The following TYW5 variants were observed in gnomAD, a reference collection of about 807,000 sequenced individuals.
TYW5 encodes tRNA wybutosine-synthesizing protein 5.
Under a neutral mutation model 44.4 loss-of-function variants are expected in TYW5, and 36 were observed. The observed-to-expected ratio is 0.81, with a 90% CI of 0.62 to 1.07. The LOEUF is 1.07. TYW5 is among the 50% of genes least tolerant of loss of function. The pLI, the probability that TYW5 is intolerant of heterozygous loss-of-function variation, is 0.00. For synonymous variants in TYW5, 121 were observed against 128.1 expected (o/e 0.94, Z 0.37); for missense variants, 354 against 365.7 (o/e 0.97, Z 0.26).
chr2:199,954,108 CT>C (rs71019097), intron 1 of TYW5, among the ~76,000 whole-genome samples: 124,315 of 148,224 alleles, frequency 0.84, 52,154 homozygotes, highest in South Asian at 0.91. Context: ...CCAACCCCGC[CT>C]TTTTTTTTTT....
At chr2:199,941,740 GA>G (rs1212641047) in intron 3 of TYW5, among the ~76,000 whole-genome samples, 2 of 152,172 alleles carry the variant, frequency 1.3e-5, no homozygotes, top group Non-Finnish European at 2.9e-5. Flanking sequence ...ATTCCTTCAA[GA>G]AAGAACTCAC....
rs2077380032 is a variant in TYW5, at chr2:199,931,822, G to A, written c.*1245C>T. On this transcript the variant is annotated 3_prime_UTR_variant, in exon 8 of 8. Coordinates refer to ENST00000354611, the MANE Select transcript of TYW5 (RefSeq NM_001039693.3). ...CACATTTATGTTCAGTGAAGATTATGTGGTCTTCAATGACACTGCAATATA... is the reference window on the plus strand; with the variant it reads ...CACATTTATGTTCAGTGAAGATTATATGGTCTTCAATGACACTGCAATATA... The A allele has an allele frequency of 6.6e-6, 1 of 152,138 alleles. No homozygotes were observed. Among genetic ancestry groups the A allele is most frequent in the Non-Finnish European group, 1.5e-5 (1 of 68,018 alleles). 9.4% of individuals were successfully genotyped at this position (152,138 alleles called of 1,614,324 possible).
chr2:199,955,440 G>A lies in TYW5; in HGVS notation c.31C>T (p.Leu11=). 1.9e-6 allele frequency: 3 copies of A among 1,613,938 alleles called. No homozygotes were observed. Among genetic ancestry groups the A allele is most frequent in the Non-Finnish European group, 2.5e-6 (3 of 1,179,978 alleles). Residue 11 remains leucine, a synonymous_variant, in exon 1 of 8, where the codon CTG becomes TTG. Transcript: ENST00000354611. MAGQHLPVPR[L]EGVSREQFMQ... ...AACTGCTCCCGAGAAACGCCCTCCA[G>A]CCGGGGTACCGGGAGGTGCTGCCCG...
intron 2 of TYW5, chr2:199,945,599 T>C (rs1401869100): frequency 6.6e-6 from 1 of 152,266 alleles, no homozygotes; most frequent in Non-Finnish European, 1.5e-5. Flanking sequence ...CTTGCTTTCA[T>C]TCTTCAAAGC....
In TYW5 at chr2:199,930,346, T is replaced by C. The variant is rs1010167046; in HGVS notation, c.*2721A>G. 3.9e-5 allele frequency: 6 copies of C among 152,218 alleles called. No individual in the cohort carries two copies. Among genetic ancestry groups the C allele is most frequent in the African/African-American group, 1.4e-4 (6 of 41,446 alleles). The allele number at this position is 152,218 out of a possible 1,614,324, so 9.4% of individuals were successfully genotyped here. ...TTGAACCTCTTCTTGGAGGCATAAT[T>C]ATCACTGGTTTCTCGTGCATCCTTA... On this transcript the variant is annotated 3_prime_UTR_variant, in exon 8 of 8. Coordinates refer to ENST00000354611, the MANE Select transcript of TYW5 (RefSeq NM_001039693.3).
chr2:199,935,871 G>A, intron 7 of TYW5, 60 bp downstream of exon 7: 3 of 1,076,140 alleles, frequency 2.8e-6, no homozygotes, highest in South Asian at 1.4e-5. Context: ...ATCACATGAA[G>A]GATGAGTGAC....
chr2:199,939,952 C>T, intron 4 of TYW5, 137 bp downstream of exon 4: 1 of 843,048 alleles, frequency 1.2e-6, no homozygotes, highest in South Asian at 1.6e-5. Context: ...TTCAGGGGCA[C>T]AAATCACTGA....
rs989345350 is a variant in TYW5 at position 199,929,337 on chromosome 2, TA to T, written c.*3729del. Among the ~76,000 whole-genome samples, 3 of 151,832 alleles carry T rather than the reference TA, an allele frequency of 2.0e-5. No individual in the cohort carries two copies. The highest frequency in any genetic ancestry group is 4.4e-5 in the Non-Finnish European group (3 of 67,888). ...TGTACCCTAGAACTTAAAAGTATAATAAAAAAATAAATAGAGACTACAACTT... is the reference window on the plus strand; with the variant it reads ...TGTACCCTAGAACTTAAAAGTATAATAAAAAATAAATAGAGACTACAACTT... On this transcript the variant is annotated 3_prime_UTR_variant, in exon 8 of 8. Transcript: ENST00000354611.
At chr2:199,951,548 T>C (rs2077544929) in intron 1 of TYW5, among the ~76,000 whole-genome samples, 1 of 152,204 alleles carries the variant, frequency 6.6e-6, no homozygotes, top group Non-Finnish European at 1.5e-5. Flanking sequence ...ATCCACATTC[T>C]TCCATTTCAT....
chr2:199,930,826 G>A lies in TYW5; in HGVS notation c.*2241C>T, dbSNP rs984410696. 3.3e-5 allele frequency: 5 copies of A among 152,134 alleles called. No homozygotes were observed. Among genetic ancestry groups the A allele is most frequent in the Admixed American group, 2.6e-4 (4 of 15,262 alleles). The allele number at this position is 152,134 out of a possible 1,614,324, so 9.4% of individuals were successfully genotyped here. A position where few individuals can be genotyped will look rare whatever the true frequency, so the allele number is the denominator to read the frequency against. ...CGGTTTCTATCACCCATAGCTATGTGAACCCAGACAATCATTAAGCAATCT... is the reference window on the plus strand; with the variant it reads ...CGGTTTCTATCACCCATAGCTATGTAAACCCAGACAATCATTAAGCAATCT... On this transcript the variant is annotated 3_prime_UTR_variant, in exon 8 of 8. Coordinates refer to ENST00000354611, the MANE Select transcript of TYW5 (RefSeq NM_001039693.3).
Position 199,939,010 on chromosome 2 carries a change from A to C in TYW5, c.409T>G (p.Phe137Val). 6.2e-7 allele frequency: 1 copy of C among 1,613,756 alleles called. No individual in the cohort carries two copies. Among genetic ancestry groups the C allele is most frequent in the South Asian group, 1.1e-5 (1 of 91,030 alleles). ...LLKGDIKFPE[F>V]FKEEQFFSSV... ...GAAAAGAACTGTTCCTCTTTGAAGA[A>C]TTCTGGAAACTTAATATCTCCTTTC... Residue 137 changes from phenylalanine (F) to valine (V), a missense_variant, in exon 5 of 8, where the codon TTC becomes GTC. Transcript: ENST00000354611.
intron 3 of TYW5, 103 bp from the exon 4 acceptor site, chr2:199,940,236 T>A: frequency 1.9e-6 from 2 of 1,053,024 alleles, no homozygotes; most frequent in Non-Finnish European, 1.4e-6. Flanking sequence ...TAATTAAAAG[T>A]AAAAAAAAGA....
rs1427125963 is a variant in TYW5 at position 199,936,442 on chromosome 2, G to A, written c.537C>T (p.Leu179=). The A allele has an allele frequency of 2.5e-6, 4 of 1,613,304 alleles. No individual in the cohort carries two copies. Among genetic ancestry groups the A allele is most frequent in the Non-Finnish European group, 3.4e-6 (4 of 1,179,708 alleles). Residue 179 remains leucine (L), a synonymous_variant, in exon 6 of 8, where the codon CTC becomes CTT. Coordinates refer to ENST00000354611, the MANE Select transcript of TYW5 (RefSeq NM_001039693.3). ...AATACTGGGCATCTCGAGGACTGAA[G>A]AGTACAACACGCTTTTTTCCTGTCA... ...IQVTGKKRVV[L]FSPRDAQYLY... is the part of the protein sequence containing the mutation.
intron 7 of TYW5, among the ~76,000 whole-genome samples, 161 bp downstream of exon 7, chr2:199,935,770 A>ACATG (rs2077415138): frequency 6.9e-6 from 1 of 145,754 alleles, no homozygotes; most frequent in African/African-American, 2.5e-5. Context: ...ACACACATAC[A>ACATG]CACACACGCA....
At chr2:199,933,501 C>T (rs1236439476) in intron 7 of TYW5, among the ~76,000 whole-genome samples, 178 bp from the exon 8 acceptor site, 1 of 152,134 alleles carries the variant, frequency 6.6e-6, no homozygotes, top group Non-Finnish European at 1.5e-5. Context: ...TTATGAATTG[C>T]CAACAAATTT....
chr2:199,937,815 CTA>C, intron 5 of TYW5, among the ~76,000 whole-genome samples: 1 of 152,210 alleles, frequency 6.6e-6, no homozygotes, highest in Middle Eastern at 3.4e-3. Context: ...GATTTACTGA[CTA>C]TGGTAAAATC....
intron 1 of TYW5, among the ~76,000 whole-genome samples, chr2:199,953,871 T>C (rs372420999): frequency 2.0e-5 from 3 of 152,328 alleles, no homozygotes; most frequent in African/African-American, 4.8e-5. Context: ...GAGATTAAAT[T>C]ACAAAATACC....
chr2:199,931,912 C>T lies in TYW5; in HGVS notation c.*1155G>A, dbSNP rs1167711989. 1 of 152,254 alleles carries T rather than the reference C, an allele frequency of 6.6e-6. No individual in the cohort carries two copies. The highest frequency in any genetic ancestry group is 1.9e-4 in the East Asian group (1 of 5,186). 9.4% of individuals were successfully genotyped at this position (152,254 alleles called of 1,614,324 possible). A position where few individuals can be genotyped will look rare whatever the true frequency, so the allele number is the denominator to read the frequency against. On this transcript the variant is annotated 3_prime_UTR_variant, in exon 8 of 8. Transcript: ENST00000354611. Reference sequence around the variant, plus strand: ...TGGCTCACTGTCTTCGATGACAACACTTTTAGGATCTCATTTATTCATTCT... The same window carrying T: ...TGGCTCACTGTCTTCGATGACAACATTTTTAGGATCTCATTTATTCATTCT...
At chr2:199,953,540 G>A (rs1169798663) in intron 1 of TYW5, among the ~76,000 whole-genome samples, 1 of 152,106 alleles carries the variant, frequency 6.6e-6, no homozygotes, top group Non-Finnish European at 1.5e-5. Flanking sequence ...GTGCCTTATT[G>A]ATTTTTGAAA....
Sources: allele counts gnomAD v4.1 joint callset (sites outside exome capture counted in the v4.1 genomes callset), GRCh38; gene constraint gnomAD v4.1.1; transcripts MANE v1.5; gene names NCBI Gene and HGNC (gene_info 2026-07-23, HGNC 2026-07-21).